The following CNTLN variants were observed in gnomAD, a reference collection of about 807,000 sequenced individuals.
CNTLN encodes centlein, also known as centlein, centrosomal protein.
A neutral mutation model predicts 180.0 loss-of-function variants in CNTLN; 212 were observed. That is an observed-to-expected ratio of 1.18 (90% CI 1.05 to 1.32). The LOEUF (loss-of-function observed/expected upper bound fraction) is 1.32. Among genes scored for constraint, CNTLN ranks in the 40% most tolerant of loss-of-function variants. The pLI is 0.00. For missense variants in CNTLN, 2,095 were observed against 1,610.9 expected (o/e 1.30, Z -5.14); for synonymous variants, 722 against 563.1 (o/e 1.28, Z -3.99).
intron 13 of CNTLN, among the ~76,000 whole-genome samples, chr9:17,382,923 T>G (rs1203129435): frequency 3.3e-5 from 5 of 152,080 alleles, no homozygotes; most frequent in Non-Finnish European, 7.4e-5. Flanking sequence ...AACTGAAAAA[T>G]CAGCAAAATA....
rs374295291 is a variant in CNTLN at position 17,174,629 on chromosome 9, G to A, written c.449+31253G>A. Among the ~76,000 whole-genome samples the A allele has an allele frequency of 5.4e-3, 821 of 151,934 alleles. 5 individuals carry two copies. The highest frequency in any genetic ancestry group is 8.0e-3 in the Admixed American group (122 of 15,280). ...GAGAATTGCTTCAACCCGGGAGGCG[G>A]AGGTTGCAGTGAGCCGAGATTGTGC... On this transcript the variant is annotated intron_variant, in intron 2 of 25. Transcript: ENST00000380647.
chr9:17,228,610 C>T (rs1824622423), intron 3 of CNTLN, among the ~76,000 whole-genome samples: 1 of 152,048 alleles, frequency 6.6e-6, no homozygotes, highest in Non-Finnish European at 1.5e-5. Context: ...TATTCTCCTA[C>T]ACTACTTTGT....
chr9:17,488,961 G>A (rs1340405214), intron 25 of CNTLN, among the ~76,000 whole-genome samples: 1 of 152,024 alleles, frequency 6.6e-6, no homozygotes. Flanking sequence ...TTATTCCACT[G>A]TGACAGTATG....
intron 2 of CNTLN, among the ~76,000 whole-genome samples, chr9:17,146,899 T>C (rs1047640489): frequency 6.6e-6 from 1 of 152,146 alleles, no homozygotes; most frequent in African/African-American, 2.4e-5. Context: ...GTTTCTTGCA[T>C]TATCTTTGTT....
At chr9:17,423,999 T>C (rs1828909549) in intron 18 of CNTLN, among the ~76,000 whole-genome samples, 1 of 152,140 alleles carries the variant, frequency 6.6e-6, no homozygotes, top group South Asian at 2.1e-4. Context: ...CTTACCTGAA[T>C]TTTGGTTCTT....
intron 6 of CNTLN, among the ~76,000 whole-genome samples, chr9:17,297,918 A>G (rs1010447331): frequency 2.0e-5 from 3 of 152,206 alleles, no homozygotes; most frequent in African/African-American, 7.2e-5. Context: ...AAAAGGTTGT[A>G]CTATGTATAT....
intron 23 of CNTLN, among the ~76,000 whole-genome samples, chr9:17,473,078 C>T (rs1832119097): frequency 6.6e-6 from 1 of 152,136 alleles, no homozygotes. Context: ...GAATCTCTGC[C>T]TACTTCCCAC....
At chr9:17,430,282 A>G (rs531131750) in intron 18 of CNTLN, among the ~76,000 whole-genome samples, 1 of 152,114 alleles carries the variant, frequency 6.6e-6, no homozygotes, top group Non-Finnish European at 1.5e-5. Flanking sequence ...GATTTCCTAT[A>G]ATAAACTACT....
At chr9:17,451,527 G>A (rs1009539717) in intron 18 of CNTLN, among the ~76,000 whole-genome samples, 3 of 152,168 alleles carry the variant, frequency 2.0e-5, no homozygotes, top group Non-Finnish European at 4.4e-5. Context: ...CAAGCCCTTT[G>A]TCTTTCAAAA....
intron 2 of CNTLN, among the ~76,000 whole-genome samples, chr9:17,175,559 T>C (rs1275699986): frequency 6.6e-6 from 1 of 152,204 alleles, no homozygotes; most frequent in Admixed American, 6.5e-5. Flanking sequence ...ATATAATGCA[T>C]CTTAAAATCT....
intron 5 of CNTLN, among the ~76,000 whole-genome samples, chr9:17,257,078 A>C (rs1430407245): frequency 6.6e-6 from 1 of 151,832 alleles, no homozygotes; most frequent in Non-Finnish European, 1.5e-5. Context: ...TGCACCCACT[A>C]ACTCGTCATC....
intron 7 of CNTLN, among the ~76,000 whole-genome samples, chr9:17,306,350 T>C (rs906196918): frequency 2.6e-5 from 4 of 152,242 alleles, no homozygotes; most frequent in African/African-American, 9.6e-5. Context: ...GGTTTCTCCA[T>C]GTTGGTGAGG....
intron 18 of CNTLN, among the ~76,000 whole-genome samples, chr9:17,443,510 G>A (rs2134060263): frequency 6.6e-6 from 1 of 152,196 alleles, no homozygotes; most frequent in Non-Finnish European, 1.5e-5. Context: ...GTCTATATGT[G>A]TATATATTCT....
chr9:17,317,008 C>T (rs1819582886), intron 8 of CNTLN, among the ~76,000 whole-genome samples: 2 of 151,710 alleles, frequency 1.3e-5, no homozygotes, highest in South Asian at 4.2e-4. Context: ...TTTTTAAATG[C>T]AATTGTCTTA....
At chr9:17,411,031 T>A (rs1827805351) in intron 16 of CNTLN, among the ~76,000 whole-genome samples, 2 of 152,146 alleles carry the variant, frequency 1.3e-5, no homozygotes, top group Admixed American at 1.3e-4. Flanking sequence ...TACAAAAACT[T>A]TTTTTGGGAT....
intron 5 of CNTLN, among the ~76,000 whole-genome samples, chr9:17,245,547 G>T (rs61196863): frequency 0.014 from 2,035 of 150,384 alleles, 46 homozygotes; most frequent in African/African-American, 0.047. Flanking sequence ...TCTACTTCAT[G>T]GTCTATAACC....
At chr9:17,274,175 T>C (rs914832669) in intron 6 of CNTLN, among the ~76,000 whole-genome samples, 8 of 152,114 alleles carry the variant, frequency 5.3e-5, no homozygotes, top group Non-Finnish European at 1.2e-4. Context: ...ATGATGCTCA[T>C]ATTGTTACAG....
At chr9:17,439,780 A>G (rs1013010292) in intron 18 of CNTLN, among the ~76,000 whole-genome samples, 8 of 152,302 alleles carry the variant, frequency 5.3e-5, no homozygotes, top group Non-Finnish European at 7.4e-5. Flanking sequence ...CGGGGCCCCC[A>G]TGATGGGATT....
intron 2 of CNTLN, among the ~76,000 whole-genome samples, chr9:17,166,069 A>G (rs1441473793): frequency 6.6e-6 from 1 of 152,226 alleles, no homozygotes; most frequent in East Asian, 1.9e-4. Context: ...ATGAAGGATA[A>G]GAAACCAGAA....
Sources: gnomAD v4.1 joint callset for allele counts (sites outside exome capture counted in the v4.1 genomes callset) on GRCh38, gnomAD v4.1.1 for gene constraint, MANE v1.5 for transcripts, NCBI Gene and HGNC (gene_info 2026-07-23, HGNC 2026-07-21) for gene names.